The following OTUD7A variants were observed in gnomAD, a reference collection of about 807,000 sequenced individuals.
OTUD7A encodes the protein OTU domain-containing protein 7A.
A neutral mutation model predicts 65.7 loss-of-function variants in OTUD7A; 12 were observed. The observed-to-expected ratio is 0.18, with a 90% CI of 0.12 to 0.30. The LOEUF (loss-of-function observed/expected upper bound fraction) is 0.30. Ranked by LOEUF, OTUD7A falls within the 10% of genes least tolerant of loss-of-function variation. The probability of loss-of-function intolerance (pLI) is 1.00; values close to 1 mark genes in which losing one functional copy is unlikely to be tolerated. For synonymous variants in OTUD7A, 641 were observed against 586.3 expected, an observed-to-expected ratio of 1.09 and a Z score of -1.35; for missense variants, 1,148 against 1,304.8, an observed-to-expected ratio of 0.88 and a Z score of 1.85.
intron 1 of OTUD7A, among the ~76,000 whole-genome samples, chr15:31,788,008 A>G (rs1295855020): frequency 6.6e-6 from 1 of 152,176 alleles, no homozygotes; most frequent in Admixed American, 6.5e-5. Flanking sequence ...TTTACTGTAC[A>G]CTCTCATAAT....
chr15:31,642,289 T>C (rs919682626), intron 3 of OTUD7A, among the ~76,000 whole-genome samples: 4 of 152,318 alleles, frequency 2.6e-5, no homozygotes, highest in African/African-American at 7.2e-5. Flanking sequence ...GTAGTATCCT[T>C]TTTATATGCT....
intron 3 of OTUD7A, among the ~76,000 whole-genome samples, chr15:31,609,415 G>C (rs1196319103): frequency 6.6e-6 from 1 of 152,166 alleles, no homozygotes. Context: ...TTCAGATTGT[G>C]TGGGAGCTGG....
intron 1 of OTUD7A, among the ~76,000 whole-genome samples, chr15:31,673,821 G>C (rs1303230151): frequency 6.6e-6 from 1 of 152,184 alleles, no homozygotes; most frequent in Non-Finnish European, 1.5e-5. Context: ...AAGTGTTGGG[G>C]CACACTTTGC....
At chr15:31,820,798 G>A (rs542815887) in intron 1 of OTUD7A, among the ~76,000 whole-genome samples, 4 of 152,050 alleles carry the variant, frequency 2.6e-5, no homozygotes, top group Non-Finnish European at 4.4e-5. Flanking sequence ...GCTTTATTAA[G>A]ATATAATTCA....
intron 1 of OTUD7A, among the ~76,000 whole-genome samples, chr15:31,739,769 GC>G (rs1468277476): frequency 6.6e-6 from 1 of 152,102 alleles, no homozygotes; most frequent in Admixed American, 6.5e-5. Flanking sequence ...ATGGGTTTTT[GC>G]CATGTTGGAC....
chr15:31,587,140 C>A (rs534621544), intron 3 of OTUD7A, among the ~76,000 whole-genome samples: 1 of 152,264 alleles, frequency 6.6e-6, no homozygotes, highest in Admixed American at 6.5e-5. Flanking sequence ...TACCCTCACA[C>A]CCGACATCAG....
intron 5 of OTUD7A, among the ~76,000 whole-genome samples, chr15:31,549,193 C>T (rs1437647054): frequency 6.6e-6 from 1 of 151,162 alleles, no homozygotes; most frequent in African/African-American, 2.4e-5. Context: ...TGCCTCTAGG[C>T]ACAGTGTGCT....
At chr15:31,642,476 A>T (rs1051012613) in intron 3 of OTUD7A, among the ~76,000 whole-genome samples, 35 of 152,266 alleles carry the variant, frequency 2.3e-4, no homozygotes, top group African/African-American at 8.4e-4. Flanking sequence ...TTTTTTCTTT[A>T]TATGTGTGGT....
chr15:31,838,657 A>C (rs1359388411), intron 1 of OTUD7A, among the ~76,000 whole-genome samples: 7 of 144,690 alleles, frequency 4.8e-5, no homozygotes, highest in East Asian at 2.0e-4. Flanking sequence ...GATCTCAAAG[A>C]CCCCCCCCCA....
chr15:31,831,854 G>T (rs887051765), intron 1 of OTUD7A, among the ~76,000 whole-genome samples: 1 of 152,240 alleles, frequency 6.6e-6, no homozygotes, highest in Non-Finnish European at 1.5e-5. Flanking sequence ...GATCACAGGG[G>T]CGTTCCGCCG....
intron 10 of OTUD7A, among the ~76,000 whole-genome samples, chr15:31,493,385 G>A (rs1177100149): frequency 2.6e-5 from 4 of 152,144 alleles, no homozygotes; most frequent in African/African-American, 9.7e-5. Flanking sequence ...CAAAGTACAT[G>A]AAGCAAATAC....
In OTUD7A at chr15:31,858,335, C is replaced by T. The variant is rs1453221739; in HGVS notation, c.-100+12172G>A. On this transcript the variant is annotated intron_variant, in intron 1 of 12. Coordinates refer to ENST00000307050, the MANE Select transcript of OTUD7A (RefSeq NM_001382637.1). ...AATGCCTGAGCCCTGAGGTCCAATG[C>T]CTCTTGCTGTGCAGTGTGGCTAGCA... 3.3e-5 allele frequency among the ~76,000 whole-genome samples: 5 copies of T among 152,268 alleles called. No individual in the cohort carries two copies. The South Asian group carries it at 1.0e-3, about 32-fold the overall frequency.
intron 3 of OTUD7A, among the ~76,000 whole-genome samples, chr15:31,598,322 G>A (rs1003134152): frequency 1.8e-4 from 28 of 152,198 alleles, no homozygotes; most frequent in African/African-American, 6.8e-4. Flanking sequence ...CATTGGGACT[G>A]GTTGGACAGT....
chr15:31,784,813 T>C (rs1895629234), intron 1 of OTUD7A, among the ~76,000 whole-genome samples: 2 of 152,186 alleles, frequency 1.3e-5, no homozygotes, highest in Admixed American at 6.5e-5. Context: ...TATTACTTTT[T>C]CAAAAAGAAT....
At chr15:31,775,763 G>A (rs1895362334) in intron 1 of OTUD7A, among the ~76,000 whole-genome samples, 1 of 152,170 alleles carries the variant, frequency 6.6e-6, no homozygotes, top group Admixed American at 6.5e-5. Context: ...CATGGCAGCA[G>A]GGGCAGGAGG....
chr15:31,612,955 C>T (rs1204884316), intron 3 of OTUD7A, among the ~76,000 whole-genome samples: 2 of 152,162 alleles, frequency 1.3e-5, no homozygotes, highest in African/African-American at 4.8e-5. Flanking sequence ...GCACATAGAC[C>T]AATGGAACAG....
chr15:31,662,255 T>C (rs896340261), intron 1 of OTUD7A, among the ~76,000 whole-genome samples: 1 of 152,242 alleles, frequency 6.6e-6, no homozygotes, highest in Non-Finnish European at 1.5e-5. Flanking sequence ...TCTACTAATC[T>C]ACTATTTGGT....
chr15:31,806,796 C>G (rs1567033534), intron 1 of OTUD7A, among the ~76,000 whole-genome samples: 1 of 152,226 alleles, frequency 6.6e-6, no homozygotes, highest in Admixed American at 6.5e-5. Context: ...AAATGGTAAG[C>G]AGGAGAACTG....
At chr15:31,565,697 G>T (rs1205318693) in intron 4 of OTUD7A, among the ~76,000 whole-genome samples, 3 of 152,178 alleles carry the variant, frequency 2.0e-5, no homozygotes, top group African/African-American at 7.2e-5. Flanking sequence ...GCAGCCACAG[G>T]GGTGGGCAGA....
Sources: gnomAD v4.1 joint callset for allele counts (sites outside exome capture counted in the v4.1 genomes callset) on GRCh38, gnomAD v4.1.1 for gene constraint, MANE v1.5 for transcripts, NCBI Gene and HGNC (gene_info 2026-07-23, HGNC 2026-07-21) for gene names.